TEX2: variants seen among roughly 807,000 people sequenced by gnomAD.
TEX2 encodes testis-expressed protein 2.
In TEX2, 53 loss-of-function variants were observed where a neutral mutation model predicts 106.9. The observed-to-expected ratio is 0.50, with a 90% CI of 0.40 to 0.62. The LOEUF (loss-of-function observed/expected upper bound fraction) is 0.62. TEX2 is among the 20% of genes least tolerant of loss of function. TEX2 has a pLI of 0.00. For missense variants in TEX2, 1,207 were observed against 1,379.0 expected (o/e 0.88, Z 1.98); for synonymous variants, 523 against 534.8 (o/e 0.98, Z 0.30).
At chr17:64,226,355 C>G (rs1256036309) in intron 1 of TEX2, among the ~76,000 whole-genome samples, 1 of 152,108 alleles carries the variant, frequency 6.6e-6, no homozygotes, top group Non-Finnish European at 1.5e-5. Context: ...CAAAGTAGTA[C>G]AGAGAGGTTC....
chr17:64,238,042 C>T (rs797024831), intron 1 of TEX2, among the ~76,000 whole-genome samples: 9 of 152,302 alleles, frequency 5.9e-5, no homozygotes, highest in African/African-American at 1.9e-4. Flanking sequence ...TGGTTCATGC[C>T]TGTAATCCTG....
At chr17:64,239,855 AAC>A (rs2033848863) in intron 1 of TEX2, among the ~76,000 whole-genome samples, 2 of 142,430 alleles carry the variant, frequency 1.4e-5, no homozygotes, top group East Asian at 2.1e-4. Flanking sequence ...CAGCCTGGAC[AAC>A]AGAGTGAGAC....
intron 7 of TEX2, among the ~76,000 whole-genome samples, chr17:64,170,579 G>A (rs937246933): frequency 7.1e-6 from 1 of 140,684 alleles, no homozygotes; most frequent in Non-Finnish European, 1.5e-5. Flanking sequence ...TAATAACCAA[G>A]AGACTAAAAG....
intron 1 of TEX2, among the ~76,000 whole-genome samples, chr17:64,241,411 C>G (rs2033887055): frequency 6.6e-6 from 1 of 152,210 alleles, no homozygotes; most frequent in Non-Finnish European, 1.5e-5. Context: ...ACACTGACAC[C>G]AAAGTCCTAA....
At chr17:64,203,371 T>C (rs1254781432) in intron 2 of TEX2, among the ~76,000 whole-genome samples, 1 of 152,228 alleles carries the variant, frequency 6.6e-6, no homozygotes, top group Non-Finnish European at 1.5e-5. Flanking sequence ...TACACAAGAA[T>C]AGAGCCAGGG....
chr17:64,181,344 T>C (rs981973856), intron 5 of TEX2, among the ~76,000 whole-genome samples: 1 of 151,698 alleles, frequency 6.6e-6, no homozygotes, highest in African/African-American at 2.4e-5. Flanking sequence ...GGTGTGGTGG[T>C]GCGTGCCTAT....
At chr17:64,253,251 A>G (rs2143492822) in intron 1 of TEX2, among the ~76,000 whole-genome samples, 1 of 151,530 alleles carries the variant, frequency 6.6e-6, no homozygotes, top group East Asian at 1.9e-4. Context: ...CAATCCTCCC[A>G]CCTCAGTCTC....
rs1260952625 is a variant in TEX2, at chr17:64,195,545, G to A, written c.1645-450C>T. On this transcript the variant is annotated intron_variant, in intron 2 of 11. Coordinates refer to ENST00000584379, the MANE Select transcript of TEX2 (RefSeq NM_001288732.2). The surrounding 1 kb of genome is among the most constrained non-coding windows in gnomAD (Gnocchi z 4.1). ...TCAGGTATTAATTCATGTTATCACAGGACTCAGAGAACTACCTCTCCACTT... is the reference window on the plus strand; with the variant it reads ...TCAGGTATTAATTCATGTTATCACAAGACTCAGAGAACTACCTCTCCACTT... Among the ~76,000 whole-genome samples, 4 of 152,202 alleles carry A rather than the reference G, an allele frequency of 2.6e-5. No individual in the cohort carries two copies. In the South Asian group the frequency reaches 8.3e-4, roughly 32 times the overall value.
intron 3 of TEX2, 94 bp downstream of exon 3, chr17:64,194,800 AC>A (rs2143910644): frequency 8.1e-7 from 1 of 1,238,682 alleles, no homozygotes; most frequent in East Asian, 2.3e-5. Flanking sequence ...ACGACCACAA[AC>A]CTTTTTAGGG....
chr17:64,166,212 A>G (rs988412679), intron 7 of TEX2, among the ~76,000 whole-genome samples: 1 of 152,172 alleles, frequency 6.6e-6, no homozygotes, highest in Non-Finnish European at 1.5e-5. Context: ...AGCAGCTAAC[A>G]CTGATGCTTA....
chr17:64,168,174 A>G (rs2031225964), intron 7 of TEX2, among the ~76,000 whole-genome samples: 1 of 152,132 alleles, frequency 6.6e-6, no homozygotes, highest in Non-Finnish European at 1.5e-5. Flanking sequence ...TTTGCTTGTC[A>G]CCCAGATTCA....
chr17:64,173,247 T>C (rs1009977962), intron 6 of TEX2, among the ~76,000 whole-genome samples: 4 of 152,242 alleles, frequency 2.6e-5, no homozygotes, highest in African/African-American at 9.6e-5. Context: ...TAATATACTT[T>C]TAAATCTGGC....
At chr17:64,179,966 C>T (rs1182116325) in intron 5 of TEX2, among the ~76,000 whole-genome samples, 2 of 152,192 alleles carry the variant, frequency 1.3e-5, no homozygotes, top group Non-Finnish European at 2.9e-5. Context: ...GCGGTGAATG[C>T]TTGGCCATGC....
chr17:64,158,498 T>A (rs2030734696), intron 8 of TEX2, among the ~76,000 whole-genome samples: 1 of 152,198 alleles, frequency 6.6e-6, no homozygotes, highest in Non-Finnish European at 1.5e-5. Flanking sequence ...TTTGGAGGTT[T>A]AATATTAAGG....
chr17:64,249,754 T>G (rs1304495423), intron 1 of TEX2, among the ~76,000 whole-genome samples: 1 of 152,190 alleles, frequency 6.6e-6, no homozygotes, highest in Non-Finnish European at 1.5e-5. Context: ...AAAATTCACT[T>G]CAGGCTATTA....
chr17:64,241,697 G>A (rs922552100), intron 1 of TEX2, among the ~76,000 whole-genome samples: 6 of 151,984 alleles, frequency 3.9e-5, no homozygotes, highest in Non-Finnish European at 5.9e-5. Context: ...GCACTCGTGC[G>A]ATCATAGCTC....
intron 5 of TEX2, among the ~76,000 whole-genome samples, chr17:64,187,208 G>A (rs757961290): frequency 1.3e-4 from 20 of 152,192 alleles, no homozygotes; most frequent in Non-Finnish European, 1.2e-4. Flanking sequence ...TCCTAAGTCC[G>A]TGTCCGGTTA....
In TEX2 at chr17:64,195,364, A is replaced by C. The variant is rs1351803438; in HGVS notation, c.1645-269T>G. ...AATAAAAGGTTCTTTCTTTTTTTAAAGCTTATAAGCACATCAGGAAACTCA... is the reference window on the plus strand; with the variant it reads ...AATAAAAGGTTCTTTCTTTTTTTAACGCTTATAAGCACATCAGGAAACTCA... On this transcript the variant is annotated intron_variant, in intron 2 of 11. Transcript: ENST00000584379. This position sits in a 1 kb window ranked among gnomAD's most constrained non-coding sequence, Gnocchi z 4.1. Among the ~76,000 whole-genome samples the C allele has an allele frequency of 6.6e-6, 1 of 152,156 alleles. No homozygotes were observed. The highest frequency in any genetic ancestry group is 1.5e-5 in the Non-Finnish European group (1 of 68,016).
intron 11 of TEX2, 114 bp downstream of exon 11, chr17:64,150,727 A>G: frequency 8.8e-7 from 1 of 1,137,632 alleles, no homozygotes; most frequent in East Asian, 2.5e-5. Flanking sequence ...TCCGGGATGA[A>G]GGTCACCATC....
Sources: gnomAD v4.1 joint callset for allele counts (sites outside exome capture counted in the v4.1 genomes callset) on GRCh38, gnomAD v4.1.1 for gene constraint, Gnocchi (gnomAD v3.1) non-coding constraint, MANE v1.5 for transcripts, NCBI Gene and HGNC (gene_info 2026-07-23, HGNC 2026-07-21) for gene names.